The following TMEM178A variants were observed in gnomAD, a reference collection of about 807,000 sequenced individuals.
The protein encoded by TMEM178A is transmembrane protein 178.
In TMEM178A, 12 loss-of-function variants were observed where a neutral mutation model predicts 29.1. The observed-to-expected ratio is 0.41, with a 90% CI of 0.26 to 0.67. TMEM178A has a LOEUF of 0.67. Ranked by LOEUF, TMEM178A falls within the 30% of genes least tolerant of loss-of-function variation. The pLI is 0.29. For synonymous variants in TMEM178A, 210 were observed against 187.2 expected (o/e 1.12, Z -0.99); for missense variants, 366 against 419.1 (o/e 0.87, Z 1.11).
At chr2:39,708,579 C>A (rs538566523) in intron 3 of TMEM178A, among the ~76,000 whole-genome samples, 1 of 150,792 alleles carries the variant, frequency 6.6e-6, no homozygotes, top group Non-Finnish European at 1.5e-5. Flanking sequence ...CCACCATGCC[C>A]GGCTAATTTT....
At chr2:39,709,109 G>A (rs1363056936) in intron 3 of TMEM178A, among the ~76,000 whole-genome samples, 1 of 152,344 alleles carries the variant, frequency 6.6e-6, no homozygotes, top group African/African-American at 2.4e-5. Context: ...TGCGTTAACA[G>A]GAGGCAGCCA....
intron 1 of TMEM178A, among the ~76,000 whole-genome samples, chr2:39,676,897 G>A (rs13405084): frequency 0.39 from 58,873 of 151,986 alleles, 12,578 homozygotes; most frequent in East Asian, 0.76. Context: ...TGCCCTGAAA[G>A]CCCTGTGCTT....
chr2:39,679,383 AG>A (rs1670772992), intron 1 of TMEM178A, among the ~76,000 whole-genome samples: 1 of 130,524 alleles, frequency 7.7e-6, no homozygotes, highest in Non-Finnish European at 1.7e-5. Context: ...AAAGAAGATA[AG>A]GTACTTGGTG....
rs183050015 is a variant in TMEM178A, at chr2:39,689,141, G to A, written c.401-14940G>A. Among the ~76,000 whole-genome samples the A allele has an allele frequency of 4.0e-4, 61 of 152,220 alleles. 1 individual carries two copies. The highest frequency in any genetic ancestry group is 5.9e-4 in the Admixed American group (9 of 15,302). On this transcript the variant is annotated intron_variant, in intron 1 of 3. Transcript: ENST00000281961. The stretch of plus-strand genomic sequence containing the variant: ...AACTTTTGAAAGTGTAGCTCAATAC[G>A]AAGGATTCTATCAAGACACCTGGAA...
At chr2:39,734,486 T>C in the TMEM178A span, among the ~76,000 whole-genome samples, 2 of 152,212 alleles carry the variant, frequency 1.3e-5, no homozygotes, top group African/African-American at 2.4e-5. Flanking sequence ...GGTGATCCCA[T>C]CCAGTTTCAT....
rs146123806 is a variant in TMEM178A, at chr2:39,703,217, C to G, written c.401-864C>G. Among the ~76,000 whole-genome samples, 593 of 152,246 alleles carry G rather than the reference C, an allele frequency of 3.9e-3. 1 individual carries two copies. The highest frequency in any genetic ancestry group is 0.014 in the African/African-American group (567 of 41,520). On this transcript the variant is annotated intron_variant, in intron 1 of 3. Transcript: ENST00000281961. ...AATCAGATTGCATTTATCCAAACAA[C>G]TGGCCAAGATTATTTAAAATGAGAG...
At chr2:39,711,897 GC>G (rs1224409855) in intron 3 of TMEM178A, among the ~76,000 whole-genome samples, 1 of 152,104 alleles carries the variant, frequency 6.6e-6, no homozygotes, top group African/African-American at 2.4e-5. Context: ...TATTCCTGTA[GC>G]TAAACATACG....
the TMEM178A span, among the ~76,000 whole-genome samples, chr2:39,728,781 T>G: frequency 6.6e-6 from 1 of 152,118 alleles, no homozygotes; most frequent in African/African-American, 2.4e-5. Flanking sequence ...CCCTACACGT[T>G]TTTTCTTTTC....
At chr2:39,706,428 C>T (rs1025974155) in intron 2 of TMEM178A, among the ~76,000 whole-genome samples, 2 of 152,192 alleles carry the variant, frequency 1.3e-5, no homozygotes, top group African/African-American at 4.8e-5. Context: ...GCACTTTACA[C>T]CACTGTTCCA....
Position 39,665,925 on chromosome 2 carries a change from T to G in TMEM178A, c.-50T>G. 2 of 1,340,132 alleles carry G rather than the reference T, an allele frequency of 1.5e-6. No individual in the cohort carries two copies. Among genetic ancestry groups the G allele is most frequent in the South Asian group, 3.9e-5 (2 of 50,904 alleles). 83.0% of individuals were successfully genotyped at this position (1,340,132 alleles called of 1,614,324 possible). On this transcript the variant is annotated 5_prime_UTR_variant, in exon 1 of 4. Coordinates refer to ENST00000281961, the MANE Select transcript of TMEM178A (RefSeq NM_152390.3). ...GAGAGCTGGGGCCAAGTGCATTGTG[T>G]CTGGCGGCGGCGCGCGAGCCCACCG...
At chr2:39,715,907 G>C (rs932339266) in intron 3 of TMEM178A, among the ~76,000 whole-genome samples, 6 of 152,190 alleles carry the variant, frequency 3.9e-5, no homozygotes, top group African/African-American at 1.4e-4. Flanking sequence ...AGGGCGGGGA[G>C]CTTTGAATGG....
chr2:39,682,568 G>C (rs1266097468), intron 1 of TMEM178A, among the ~76,000 whole-genome samples: 1 of 152,040 alleles, frequency 6.6e-6, no homozygotes, highest in Non-Finnish European at 1.5e-5. Context: ...TCTGAAGTTG[G>C]GGCAAATAGT....
At chr2:39,667,456 A>T (rs1003314000) in intron 1 of TMEM178A, among the ~76,000 whole-genome samples, 1 of 151,968 alleles carries the variant, frequency 6.6e-6, no homozygotes, top group Non-Finnish European at 1.5e-5. Context: ...AGATTAAAAA[A>T]AAAAATCAAC....
intron 1 of TMEM178A, among the ~76,000 whole-genome samples, chr2:39,693,236 A>G (rs1170492090): frequency 1.3e-5 from 2 of 152,202 alleles, no homozygotes; most frequent in African/African-American, 4.8e-5. Flanking sequence ...AATCCAAGAG[A>G]TTTTAAGTTC....
intron 1 of TMEM178A, among the ~76,000 whole-genome samples, chr2:39,674,904 A>T (rs1670553080): frequency 6.6e-6 from 1 of 152,200 alleles, no homozygotes; most frequent in African/African-American, 2.4e-5. Flanking sequence ...CGTAGAATAA[A>T]AAATTCATAG....
At chr2:39,665,780 G>C (rs1450655780), upstream of TMEM178A, 1 of 440,294 alleles carries the variant, frequency 2.3e-6, no homozygotes, top group African/African-American at 2.2e-5. Context: ...GGGGGCGGGC[G>C]GGCGGTGGGA....
chr2:39,674,226 G>A (rs1670520820), intron 1 of TMEM178A, among the ~76,000 whole-genome samples: 3 of 152,144 alleles, frequency 2.0e-5, no homozygotes, highest in Non-Finnish European at 4.4e-5. Flanking sequence ...GAACGTGCAT[G>A]TTTATAGCAG....
intron 1 of TMEM178A, among the ~76,000 whole-genome samples, chr2:39,681,899 C>T (rs1183740222): frequency 3.3e-5 from 5 of 152,160 alleles, no homozygotes; most frequent in Non-Finnish European, 5.9e-5. Context: ...CACCTGTCTA[C>T]AGTGGAGATG....
chr2:39,680,754 CT>C (rs137888351), intron 1 of TMEM178A, among the ~76,000 whole-genome samples: 2 of 151,698 alleles, frequency 1.3e-5, no homozygotes, highest in Admixed American at 1.3e-4. Flanking sequence ...AAAAAACATG[CT>C]TTTTTTTGTT....
Sources: gnomAD v4.1 joint callset for allele counts (sites outside exome capture counted in the v4.1 genomes callset) on GRCh38, gnomAD v4.1.1 for gene constraint, MANE v1.5 for transcripts, NCBI Gene and HGNC (gene_info 2026-07-23, HGNC 2026-07-21) for gene names.